Variants in LGR6 observed in about 807,000 individuals in gnomAD.
The protein encoded by LGR6 is leucine rich repeat containing G protein-coupled receptor 6.
Under a neutral mutation model 69.4 loss-of-function variants are expected in LGR6, and 45 were observed. The observed-to-expected ratio is 0.65, with a 90% CI of 0.51 to 0.83. The LOEUF is 0.83. Ranked by LOEUF, LGR6 falls within the 40% of genes least tolerant of loss-of-function variation. LGR6 has a pLI of 0.00. For synonymous variants in LGR6, 538 were observed against 555.0 expected (o/e 0.97, Z 0.43); for missense variants, 1,108 against 1,246.7 (o/e 0.89, Z 1.68).
At chr1:202,222,633 G>C (rs1051485502) in intron 1 of LGR6, among the ~76,000 whole-genome samples, 1 of 152,176 alleles carries the variant, frequency 6.6e-6, no homozygotes, top group South Asian at 2.1e-4. Context: ...AATGAGCCAG[G>C]GGTGGGACAC....
intron 4 of LGR6, among the ~76,000 whole-genome samples, chr1:202,239,344 GGTGTGTGTGTGTGTGTGTGT>G (rs36157781): frequency 8.3e-5 from 12 of 144,156 alleles, no homozygotes; most frequent in Non-Finnish European, 1.2e-4. Context: ...GTGTGTGTGT[GGTGTGTGTGTGTGTGTGTGT>G]GTGTGTGTGT....
chr1:202,264,100 G>A (rs1027601362), intron 4 of LGR6, among the ~76,000 whole-genome samples: 2 of 152,116 alleles, frequency 1.3e-5, no homozygotes, highest in East Asian at 3.9e-4. Context: ...GGGGAGGGTT[G>A]AAACTATACA....
chr1:202,236,774 T>C (rs1661597890), intron 4 of LGR6, among the ~76,000 whole-genome samples: 2 of 152,140 alleles, frequency 1.3e-5, no homozygotes, highest in South Asian at 2.1e-4. Flanking sequence ...GGGGGCAAGA[T>C]TGGGGCACAG....
At chr1:202,263,175 T>C (rs556697369) in intron 4 of LGR6, among the ~76,000 whole-genome samples, 4 of 152,196 alleles carry the variant, frequency 2.6e-5, no homozygotes, top group Non-Finnish European at 4.4e-5. Flanking sequence ...CAGGCTGGAG[T>C]GCAGTTGTAC....
In LGR6 at chr1:202,318,064, C is replaced by A; in HGVS notation, c.1761C>A (p.Phe587Leu). The change falls in exon 18 of 18, where the codon TTC (phenylalanine) becomes TTA (leucine). Residue 587 changes from phenylalanine (F) to leucine (L), a missense_variant. Phe to Leu is a conservative substitution (Grantham distance 22). Transcript: ENST00000367278. ...LCNGLVLLTV[F>L]AGGPVPLPPV... is the part of the protein sequence containing the mutation. ...ATGGACTGGTGCTGCTGACCGTGTTCGCTGGCGGGCCTGTCCCCCTGCCCC... is the reference window on the plus strand; with the variant it reads ...ATGGACTGGTGCTGCTGACCGTGTTAGCTGGCGGGCCTGTCCCCCTGCCCC... The A allele has an allele frequency of 6.2e-7, 1 of 1,614,216 alleles. No individual in the cohort carries two copies. Among genetic ancestry groups the A allele is most frequent in the Non-Finnish European group, 8.5e-7 (1 of 1,180,054 alleles).
rs1270546330 is a variant in LGR6 at position 202,309,074 on chromosome 1, C to T, written c.1304C>T (p.Thr435Ile). 1 of 1,614,146 alleles carries T rather than the reference C, an allele frequency of 6.2e-7. No individual in the cohort carries two copies. The highest frequency in any genetic ancestry group is 1.1e-5 in the South Asian group (1 of 91,086). The change falls in exon 15 of 18, where the codon ACC becomes ATC. Residue 435 changes from threonine (T) to isoleucine (I), a missense_variant. By Grantham distance (89) the Thr-to-Ile change is moderately conservative. Transcript: ENST00000367278. Reference sequence around the variant, plus strand: ...AGGGACCTGACAGACAACCAGCTGACCACACTGCCCCTGGCTGGACTTGGG... The same window carrying T: ...AGGGACCTGACAGACAACCAGCTGATCACACTGCCCCTGGCTGGACTTGGG... ...VKLDLTDNQL[T>I]TLPLAGLGGL...
rs1665544476 is a variant in LGR6, at chr1:202,276,288, C to T, written c.429-18C>T. The T allele has an allele frequency of 6.2e-7, 1 of 1,604,178 alleles. No homozygotes were observed. On this transcript the variant is annotated intron_variant, in intron 4 of 17. Transcript: ENST00000367278. ...ATCTTGCCCTGGATTGACCCCTCTCCATCCTCTCTTCCACCAGGCGCCTAG... is the reference window on the plus strand; with the variant it reads ...ATCTTGCCCTGGATTGACCCCTCTCTATCCTCTCTTCCACCAGGCGCCTAG...
At position 202,268,979 on chromosome 1, in the gene LGR6, C is replaced by T. The variant is rs995685266; in HGVS notation, c.429-7327C>T. Among the ~76,000 whole-genome samples, 17 of 152,154 alleles carry T rather than the reference C, an allele frequency of 1.1e-4. No individual in the cohort carries two copies. The highest frequency in any genetic ancestry group is 2.5e-4 in the Non-Finnish European group (17 of 68,008). ...GGAGTGAAGTGGTGTGAACACAGCT[C>T]ACTGCAGCCTCGACTTCTGGGATCA... is the stretch of plus-strand genomic sequence containing the variant. On this transcript the variant is annotated intron_variant, in intron 4 of 17. Coordinates refer to ENST00000367278, the MANE Select transcript of LGR6 (RefSeq NM_001017403.2). This position sits in a 1 kb window ranked among gnomAD's most constrained non-coding sequence, Gnocchi z 4.4.
At chr1:202,292,972 G>A (rs1666899471) in intron 6 of LGR6, among the ~76,000 whole-genome samples, 1 of 152,204 alleles carries the variant, frequency 6.6e-6, no homozygotes, top group Non-Finnish European at 1.5e-5. Flanking sequence ...TATCAGTTGT[G>A]TGATATGAGT....
chr1:202,272,285 A>AT (rs1177325038), intron 4 of LGR6, among the ~76,000 whole-genome samples: 2 of 152,176 alleles, frequency 1.3e-5, no homozygotes, highest in African/African-American at 2.4e-5. Flanking sequence ...CCCTGGGTCC[A>AT]TGCCCCACCC....
At chr1:202,209,355 G>T (rs1484266112) in intron 1 of LGR6, among the ~76,000 whole-genome samples, 1 of 152,160 alleles carries the variant, frequency 6.6e-6, no homozygotes, top group Non-Finnish European at 1.5e-5. Flanking sequence ...GCCTCTCCCT[G>T]CTCCTCCTCA....
chr1:202,316,211 A>G (rs1056184647), intron 17 of LGR6, among the ~76,000 whole-genome samples: 10 of 152,302 alleles, frequency 6.6e-5, no homozygotes, highest in African/African-American at 2.4e-4. Context: ...TTGACTCACA[A>G]TTCTGGTGGC....
intron 1 of LGR6, among the ~76,000 whole-genome samples, chr1:202,205,599 TAC>T (rs1224502341): frequency 8.9e-6 from 1 of 112,104 alleles, no homozygotes; most frequent in African/African-American, 3.5e-5. Flanking sequence ...CCTTCAAACA[TAC>T]ACACACACCT....
At chr1:202,239,765 T>G (rs935241223) in intron 4 of LGR6, among the ~76,000 whole-genome samples, 3 of 152,172 alleles carry the variant, frequency 2.0e-5, no homozygotes, top group South Asian at 4.1e-4. Context: ...CCTCTCAGCT[T>G]CTTCACTTAC....
Position 202,232,576 on chromosome 1 carries a change from G to C in LGR6, c.357-3346G>C, listed in dbSNP as rs1661176225. Among the ~76,000 whole-genome samples, 6 of 151,956 alleles carry C rather than the reference G, an allele frequency of 3.9e-5. 1 individual carries two copies. The South Asian group carries it at 1.2e-3, about 32-fold the overall frequency. On this transcript the variant is annotated intron_variant, in intron 3 of 17. Transcript: ENST00000367278. ...CAGTGGTTCATGCCTGTAATCCCAG[G>C]GCTGTGGAGGGCTGAGGCAGGAGGA... is the stretch of plus-strand genomic sequence containing the variant.
At position 202,309,231 on chromosome 1, in the gene LGR6, G is replaced by A; in HGVS notation, c.1406+55G>A. ...GTAGGCCAGCTGGAGACCCTGGAGG[G>A]ACAGAGAGAAAGCCAGATGGCCCCA... On this transcript the variant is annotated intron_variant, in intron 15 of 17. Transcript: ENST00000367278. 2.5e-6 allele frequency: 4 copies of A among 1,600,122 alleles called. No homozygotes were observed. In the East Asian group the frequency reaches 6.7e-5, roughly 27 times the overall value.
intron 1 of LGR6, chr1:202,203,842 TTGTTTGTCAAGTGTCAA>T (rs767843726): frequency 2.5e-6 from 4 of 1,613,840 alleles, no homozygotes; most frequent in Non-Finnish European, 2.5e-6. Context: ...AGGTTGACAC[TTGTTTGTCAAGTGTCAA>T]TAATCATCTC....
intron 6 of LGR6, among the ~76,000 whole-genome samples, chr1:202,292,691 T>A (rs1224787142): frequency 6.6e-6 from 1 of 152,248 alleles, no homozygotes; most frequent in Non-Finnish European, 1.5e-5. Context: ...GCATTCTTCC[T>A]ATTATGATAA....
rs533120699 is a variant in LGR6, at chr1:202,268,442, T to G, written c.429-7864T>G. Among the ~76,000 whole-genome samples, 1 of 151,952 alleles carries G rather than the reference T, an allele frequency of 6.6e-6. No individual in the cohort carries two copies. The highest frequency in any genetic ancestry group is 2.4e-5 in the African/African-American group (1 of 41,436). ...AATATTTTCCCCACAGAATAACCAT[T>G]TCCATAGTGGCTGCTTTTTTTTTTT... On this transcript the variant is annotated intron_variant, in intron 4 of 17. Coordinates refer to ENST00000367278, the MANE Select transcript of LGR6 (RefSeq NM_001017403.2). The surrounding 1 kb of genome is among the most constrained non-coding windows in gnomAD (Gnocchi z 4.4).
Sources: allele counts gnomAD v4.1 joint callset (sites outside exome capture counted in the v4.1 genomes callset), GRCh38; gene constraint gnomAD v4.1.1; non-coding constraint Gnocchi (gnomAD v3.1); transcripts MANE v1.5; gene names NCBI Gene and HGNC (gene_info 2026-07-23, HGNC 2026-07-21).